The following ITGB3 variants were observed in gnomAD, a reference collection of about 807,000 sequenced individuals.
ITGB3 encodes integrin subunit beta 3.
A neutral mutation model predicts 85.8 loss-of-function variants in ITGB3; 48 were observed. That is an observed-to-expected ratio of 0.56 (90% CI 0.44 to 0.71). The LOEUF (loss-of-function observed/expected upper bound fraction) is 0.71, where lower values mean the gene tolerates loss of function less well. Ranked by LOEUF, ITGB3 falls within the 30% of genes least tolerant of loss-of-function variation. The pLI, the probability that ITGB3 is intolerant of heterozygous loss-of-function variation, is 0.00. For missense variants in ITGB3, 861 were observed against 1,019.1 expected (o/e 0.84, Z 2.11); for synonymous variants, 363 against 395.6 (o/e 0.92, Z 0.98).
At chr17:47,290,295 A>G in intron 8 of ITGB3, 21 bp downstream of exon 8, 3 of 1,598,686 alleles carry the variant, frequency 1.9e-6, no homozygotes, top group Non-Finnish European at 2.6e-6. Flanking sequence ...TGTGCTGGGA[A>G]TAGTCCCGCG....
In ITGB3 at chr17:47,301,799, T is replaced by C. The variant is rs185651387; in HGVS notation, c.2015-922T>C. On this transcript the variant is annotated intron_variant, in intron 12 of 14. Transcript: ENST00000559488. ...AAGTAGAACTACAGTACTATTCTCATCTTCATTTTGAGTCTCAGGAAAGTT... is the reference window on the plus strand; with the variant it reads ...AAGTAGAACTACAGTACTATTCTCACCTTCATTTTGAGTCTCAGGAAAGTT... 5.9e-5 allele frequency among the ~76,000 whole-genome samples: 9 copies of C among 152,316 alleles called. No individual in the cohort carries two copies. The East Asian group carries it at 1.7e-3, about 29-fold the overall frequency.
At chr17:47,296,578 A>T (rs902398870) in intron 10 of ITGB3, among the ~76,000 whole-genome samples, 1 of 152,198 alleles carries the variant, frequency 6.6e-6, no homozygotes. Flanking sequence ...AAGTTGACTC[A>T]TACTTTAAAA....
At position 47,268,608 on chromosome 17, in the gene ITGB3, T is replaced by C. The variant is rs148004972; in HGVS notation, c.80-5811T>C. Among the ~76,000 whole-genome samples the C allele has an allele frequency of 2.6e-4, 40 of 152,334 alleles. No homozygotes were observed. The East Asian group carries it at 6.8e-3, about 26-fold the overall frequency. Reference sequence around the variant, plus strand: ...CTCCATGTCTCACACCTAGGTCATATTGATGCAAGAGGTGGTCTCCCATGG... The same window carrying C: ...CTCCATGTCTCACACCTAGGTCATACTGATGCAAGAGGTGGTCTCCCATGG... On this transcript the variant is annotated intron_variant, in intron 1 of 14. Transcript: ENST00000559488.
chr17:47,304,128 G>T (rs2143141388), intron 13 of ITGB3, among the ~76,000 whole-genome samples: 1 of 152,224 alleles, frequency 6.6e-6, no homozygotes, highest in East Asian at 1.9e-4. Context: ...TGGGACTCAA[G>T]TGATCCCCCC....
intron 1 of ITGB3, among the ~76,000 whole-genome samples, chr17:47,256,620 A>G (rs1324238027): frequency 1.3e-5 from 2 of 152,162 alleles, no homozygotes; most frequent in East Asian, 3.8e-4. Context: ...TTGAAGGGGC[A>G]CAGAAAGAGC....
intron 1 of ITGB3, among the ~76,000 whole-genome samples, chr17:47,272,664 T>TCTTC (rs1330960013): frequency 1.6e-5 from 1 of 63,526 alleles, no homozygotes; most frequent in Admixed American, 1.4e-4. Context: ...TTTTATGTAA[T>TCTTC]CTTTCTTTCT....
intron 2 of ITGB3, 78 bp downstream of exon 2, chr17:47,274,582 A>G (rs1837358549): frequency 8.0e-7 from 1 of 1,245,222 alleles, no homozygotes; most frequent in African/African-American, 1.5e-5. Flanking sequence ...TGAAGTTATC[A>G]CCTCCCTCTT....
chr17:47,309,701 C>G (rs1368838501), intron 14 of ITGB3, among the ~76,000 whole-genome samples: 3 of 151,746 alleles, frequency 2.0e-5, no homozygotes, highest in Non-Finnish European at 1.5e-5. Context: ...TGAGACCAGC[C>G]TGGGCAACAT....
intron 1 of ITGB3, among the ~76,000 whole-genome samples, chr17:47,262,795 G>A (rs920258803): frequency 5.3e-5 from 8 of 152,146 alleles, no homozygotes; most frequent in Non-Finnish European, 8.8e-5. Context: ...GAGGGGATGG[G>A]GATTCCTGGT....
rs781757993 is a variant in ITGB3, at chr17:47,284,607, C to T, written c.526C>T (p.Arg176Trp). 1.1e-5 allele frequency: 17 copies of T among 1,613,974 alleles called. No individual in the cohort carries two copies. The highest frequency in any genetic ancestry group is 9.9e-5 in the South Asian group (9 of 91,070). ...TQMRKLTSNL[R>W]IGFGAFVDKP... ...GATGCGAAAGCTCACCAGTAACCTGCGGATTGGCTTCGGGGCATTTGTGGA... is the reference window on the plus strand; with the variant it reads ...GATGCGAAAGCTCACCAGTAACCTGTGGATTGGCTTCGGGGCATTTGTGGA... The change falls in exon 4 of 15, where the codon CGG becomes TGG. Residue 176 changes from arginine to tryptophan, a missense_variant. Transcript: ENST00000559488.
In ITGB3 at chr17:47,310,026, A is replaced by G. The variant is rs73322317; in HGVS notation, c.2302-113A>G. On this transcript the variant is annotated intron_variant, in intron 14 of 14. Transcript: ENST00000559488. ...TGAACATTATTCTGTTTCATTGATGATGTATTCCAGAGAACGGTGCCTTGG... is the reference window on the plus strand; with the variant it reads ...TGAACATTATTCTGTTTCATTGATGGTGTATTCCAGAGAACGGTGCCTTGG... 3,727 of 825,902 alleles carry G rather than the reference A, an allele frequency of 4.5e-3. 80 individuals are homozygous for G. In the African/African-American group the frequency reaches 0.054, roughly 12 times the overall value. The allele number at this position is 825,902 out of a possible 1,614,324, so 51.2% of individuals were successfully genotyped here.
At chr17:47,266,626 G>A (rs2065026740) in intron 1 of ITGB3, among the ~76,000 whole-genome samples, 1 of 151,998 alleles carries the variant, frequency 6.6e-6, no homozygotes, top group Non-Finnish European at 1.5e-5. Flanking sequence ...TGCCCAGGCT[G>A]GAGTGCAGTG....
intron 4 of ITGB3, among the ~76,000 whole-genome samples, chr17:47,285,802 C>G (rs1424070276): frequency 6.6e-6 from 1 of 152,114 alleles, no homozygotes; most frequent in Non-Finnish European, 1.5e-5. Context: ...TACTGATGGA[C>G]TTTTGCTTTA....
At chr17:47,284,721 A>G (rs1194174481) in intron 4 of ITGB3, 26 bp downstream of exon 4, 1 of 1,614,084 alleles carries the variant, frequency 6.2e-7, no homozygotes. Context: ...AGACGCCAGG[A>G]CAGCATCCTT....
rs752250845 is a variant in ITGB3 at position 47,291,099 on chromosome 17, C to T, written c.1260+11C>T. Reference sequence around the variant, plus strand: ...AAGATTGGAGACACGGTGAGGTGGGCTGGGCAGGGCCTTTGTCCTGGAGCA... The same window carrying T: ...AAGATTGGAGACACGGTGAGGTGGGTTGGGCAGGGCCTTTGTCCTGGAGCA... On this transcript the variant is annotated intron_variant, in intron 9 of 14. Coordinates refer to ENST00000559488, the MANE Select transcript of ITGB3 (RefSeq NM_000212.3). 1.9e-6 allele frequency: 3 copies of T among 1,614,002 alleles called. No homozygotes were observed. The highest frequency in any genetic ancestry group is 2.5e-6 in the Non-Finnish European group (3 of 1,180,034).
Position 47,313,682 on chromosome 17 carries a change from C to G in ITGB3, c.*3478C>G, listed in dbSNP as rs1334414581. 1.3e-5 allele frequency among the ~76,000 whole-genome samples: 2 copies of G among 152,166 alleles called. No individual in the cohort carries two copies. Among genetic ancestry groups the G allele is most frequent in the African/African-American group, 2.4e-5 (1 of 41,432 alleles). On this transcript the variant is annotated 3_prime_UTR_variant, in exon 15 of 15. Coordinates refer to ENST00000559488, the MANE Select transcript of ITGB3 (RefSeq NM_000212.3). ...AATTTCTTAAGTGCCTTCCTCACTT[C>G]CTAACCACCTTCTCTGTTTGGGTTT...
intron 1 of ITGB3, among the ~76,000 whole-genome samples, chr17:47,271,185 G>A (rs566413536): frequency 6.6e-6 from 1 of 152,288 alleles, no homozygotes; most frequent in South Asian, 2.1e-4. Flanking sequence ...GCTGAGAGGA[G>A]TTAAATGATT....
Position 47,307,526 on chromosome 17 carries a change from T to G in ITGB3, c.2190T>G (p.Ile730Met). ...LVVLLSVMGA[I>M]LLIGLAALLI... ...TCCTGCTCTCAGTGATGGGGGCCAT[T>G]CTGCTCATTGGCCTTGCCGCCCTGC... Residue 730 changes from isoleucine (I) to methionine (M), a missense_variant, in exon 14 of 15, where the codon ATT (isoleucine) becomes ATG (methionine). Physicochemically the swap from Ile to Met is conservative, Grantham distance 10. Transcript: ENST00000559488. 11 of 1,614,198 alleles carry G rather than the reference T, an allele frequency of 6.8e-6. No homozygotes were observed. Among genetic ancestry groups the G allele is most frequent in the Non-Finnish European group, 9.3e-6 (11 of 1,180,046 alleles).
At chr17:47,298,868 C>G (rs1400040770) in intron 10 of ITGB3, among the ~76,000 whole-genome samples, 1 of 152,210 alleles carries the variant, frequency 6.6e-6, no homozygotes, top group Non-Finnish European at 1.5e-5. Context: ...ACCGTCAAGG[C>G]TACTGAGTGC....
Sources: gnomAD v4.1 joint callset for allele counts (sites outside exome capture counted in the v4.1 genomes callset) on GRCh38, gnomAD v4.1.1 for gene constraint, MANE v1.5 for transcripts, NCBI Gene and HGNC (gene_info 2026-07-23, HGNC 2026-07-21) for gene names.